The following ZCCHC7 variants were observed in gnomAD, a reference collection of about 807,000 sequenced individuals.
ZCCHC7 encodes zinc finger CCHC domain-containing protein 7.
ZCCHC7 carries 35 observed loss-of-function variants against 52.0 expected under a neutral mutation model. That is an observed-to-expected ratio of 0.67 (90% confidence interval 0.51 to 0.89). The LOEUF (loss-of-function observed/expected upper bound fraction) is 0.89, where lower values mean the gene tolerates loss of function less well. ZCCHC7 is among the 40% of genes least tolerant of loss of function. The pLI is 0.00. For synonymous variants in ZCCHC7, 217 were observed against 221.5 expected, an observed-to-expected ratio of 0.98 and a Z score of 0.18; for missense variants, 574 against 649.1, an observed-to-expected ratio of 0.88 and a Z score of 1.26.
intron 2 of ZCCHC7, among the ~76,000 whole-genome samples, chr9:37,234,982 TGTG>T (rs1825575569): frequency 6.6e-6 from 1 of 152,218 alleles, no homozygotes; most frequent in Non-Finnish European, 1.5e-5. Context: ...AATTCATATT[TGTG>T]GGGTACAGTA....
chr9:37,329,970 A>G (rs963392359), intron 6 of ZCCHC7, among the ~76,000 whole-genome samples: 1 of 151,836 alleles, frequency 6.6e-6, no homozygotes, highest in Non-Finnish European at 1.5e-5. Flanking sequence ...CTTACCCCAA[A>G]TGATGGCAAA....
chr9:37,291,819 G>A (rs1019076980), intron 2 of ZCCHC7, among the ~76,000 whole-genome samples: 4 of 151,926 alleles, frequency 2.6e-5, no homozygotes, highest in Non-Finnish European at 5.9e-5. Flanking sequence ...TCAGCCTCCC[G>A]AGTAGCTAGG....
intron 2 of ZCCHC7, among the ~76,000 whole-genome samples, chr9:37,143,597 C>T (rs752918063): frequency 3.3e-5 from 5 of 151,370 alleles, no homozygotes; most frequent in Non-Finnish European, 7.4e-5. Flanking sequence ...CCCAAAATGC[C>T]GCCACCTAAC....
chr9:37,126,194 T>C, intron 1 of ZCCHC7, 118 bp from the exon 2 acceptor site: 2 of 1,039,976 alleles, frequency 1.9e-6, no homozygotes, highest in South Asian at 1.6e-5. Context: ...TTTTAATATG[T>C]CTGAGAATAG....
intron 2 of ZCCHC7, among the ~76,000 whole-genome samples, chr9:37,250,176 G>C (rs919238679): frequency 1.3e-5 from 2 of 152,070 alleles, no homozygotes; most frequent in African/African-American, 4.8e-5. Flanking sequence ...CACATGAATA[G>C]TTTTCTCCAT....
At chr9:37,198,506 G>C (rs2133142906) in intron 2 of ZCCHC7, among the ~76,000 whole-genome samples, 1 of 152,250 alleles carries the variant, frequency 6.6e-6, no homozygotes, top group South Asian at 2.1e-4. Context: ...CTACTTTGTG[G>C]TCACTTTTGC....
chr9:37,343,948 A>G (rs1820797550), intron 6 of ZCCHC7, among the ~76,000 whole-genome samples: 1 of 152,186 alleles, frequency 6.6e-6, no homozygotes, highest in African/African-American at 2.4e-5. Context: ...AGACACTGCA[A>G]TTTGAATTTC....
In ZCCHC7 at chr9:37,276,940, G is replaced by T. The variant is rs185939619; in HGVS notation, c.611-25248G>T. ...CTCTTTGCCTCCAAGAGAAAACAAG[G>T]TTTATTAAATAGTGAAAAATTGCTA... On this transcript the variant is annotated intron_variant, in intron 2 of 8. Coordinates refer to ENST00000336755, the MANE Select transcript of ZCCHC7 (RefSeq NM_032226.3). Among the ~76,000 whole-genome samples, 50 of 152,208 alleles carry T rather than the reference G, an allele frequency of 3.3e-4. 1 individual carries two copies. In the East Asian group the frequency reaches 6.0e-3, roughly 18 times the overall value.
intron 2 of ZCCHC7, among the ~76,000 whole-genome samples, chr9:37,265,290 A>G: frequency 6.6e-6 from 1 of 152,170 alleles, no homozygotes; most frequent in East Asian, 1.9e-4. Flanking sequence ...GTTCCAGTTT[A>G]AATACCTTAC....
At chr9:37,278,116 C>G (rs143427319) in intron 2 of ZCCHC7, among the ~76,000 whole-genome samples, 123 of 150,950 alleles carry the variant, frequency 8.1e-4, no homozygotes, top group Middle Eastern at 3.4e-3. Context: ...TGACCATTTA[C>G]AGGCATAATC....
intron 2 of ZCCHC7, among the ~76,000 whole-genome samples, chr9:37,187,640 A>G (rs1822736682): frequency 6.6e-6 from 1 of 152,222 alleles, no homozygotes; most frequent in African/African-American, 2.4e-5. Flanking sequence ...ATGGAATAAA[A>G]TGAGCAAAGT....
At chr9:37,226,911 T>C (rs1220011634) in intron 2 of ZCCHC7, among the ~76,000 whole-genome samples, 1 of 151,156 alleles carries the variant, frequency 6.6e-6, no homozygotes, top group Non-Finnish European at 1.5e-5. Flanking sequence ...GCGCCTGTAG[T>C]CCCAGCTACT....
At chr9:37,279,342 T>C (rs1023351352) in intron 2 of ZCCHC7, among the ~76,000 whole-genome samples, 4 of 152,040 alleles carry the variant, frequency 2.6e-5, no homozygotes, top group Non-Finnish European at 5.9e-5. Context: ...ATAAATTGTA[T>C]GATATTAACT....
At chr9:37,312,154 A>C (rs942966574) in intron 5 of ZCCHC7, among the ~76,000 whole-genome samples, 4 of 152,212 alleles carry the variant, frequency 2.6e-5, no homozygotes, top group Non-Finnish European at 4.4e-5. Flanking sequence ...TGGCTGAAAC[A>C]TATTATTGTG....
chr9:37,143,632 A>G (rs1419657359), intron 2 of ZCCHC7, among the ~76,000 whole-genome samples: 1 of 151,682 alleles, frequency 6.6e-6, no homozygotes, highest in Admixed American at 6.6e-5. Context: ...ATGCCATTAC[A>G]GATTTTCAAA....
intron 2 of ZCCHC7, among the ~76,000 whole-genome samples, chr9:37,205,717 C>T (rs1823870183): frequency 6.6e-6 from 1 of 152,130 alleles, no homozygotes; most frequent in Non-Finnish European, 1.5e-5. Context: ...GGGGTTTCAC[C>T]ATGTTGGTCA....
intron 2 of ZCCHC7, among the ~76,000 whole-genome samples, chr9:37,154,252 C>G (rs1820692154): frequency 1.3e-5 from 2 of 152,068 alleles, no homozygotes; most frequent in Admixed American, 1.3e-4. Flanking sequence ...TTCTTTATTA[C>G]CTGTAATGAA....
At chr9:37,274,487 G>C (rs1005234908) in intron 2 of ZCCHC7, among the ~76,000 whole-genome samples, 1 of 151,496 alleles carries the variant, frequency 6.6e-6, no homozygotes, top group Non-Finnish European at 1.5e-5. Context: ...TCACAGGTGC[G>C]TGCCACCATG....
intron 5 of ZCCHC7, among the ~76,000 whole-genome samples, chr9:37,321,073 C>T (rs1830032483): frequency 6.8e-6 from 1 of 148,050 alleles, no homozygotes; most frequent in African/African-American, 2.5e-5. Context: ...ACTGCAACTT[C>T]CGCCTCCTGG....
Sources: gnomAD v4.1 joint callset for allele counts (sites outside exome capture counted in the v4.1 genomes callset) on GRCh38, gnomAD v4.1.1 for gene constraint, MANE v1.5 for transcripts, NCBI Gene and HGNC (gene_info 2026-07-23, HGNC 2026-07-21) for gene names.